ALK: variants seen among roughly 807,000 people sequenced by gnomAD.
ALK encodes the protein ALK receptor tyrosine kinase, also known as ALK tyrosine kinase receptor.
ALK carries 74 observed loss-of-function variants against 163.1 expected under a neutral mutation model. The observed-to-expected ratio is 0.45, with a 90% CI of 0.38 to 0.55. The LOEUF is 0.55. Among genes scored for constraint, ALK ranks in the 20% least tolerant of loss-of-function variants. ALK has a pLI of 0.00. For missense variants in ALK, 2,063 were observed against 2,105.3 expected (o/e 0.98, Z 0.39); for synonymous variants, 960 against 843.2 (o/e 1.14, Z -2.40).
chr2:29,480,076 A>G (rs1671625809), intron 4 of ALK, among the ~76,000 whole-genome samples: 2 of 152,250 alleles, frequency 1.3e-5, no homozygotes, highest in South Asian at 4.1e-4. Context: ...TCAGCACAGA[A>G]AAATCCCCAA....
chr2:29,317,535 A>G lies in ALK; in HGVS notation c.1647+769T>C, dbSNP rs559627179. Among the ~76,000 whole-genome samples, 25 of 152,324 alleles carry G rather than the reference A, an allele frequency of 1.6e-4. No individual in the cohort carries two copies. The South Asian group carries it at 5.0e-3, about 30-fold the overall frequency. On this transcript the variant is annotated intron_variant, in intron 8 of 28. Transcript: ENST00000389048. ...TACTGCAGTGCTTACTTTGTGCCCA[A>G]TGCTCTTCCAAGCCCTTTGGACATT...
In ALK at chr2:29,328,350, G is replaced by C. The variant is rs749263944; in HGVS notation, c.1414C>G (p.Arg472Gly). ...AQGEDESQMC[R>G]KLPVGFYCNF... ...GGGTGGGGCAGCCCCATCTACTCAC[G>C]GCACATCTGGCTCTCATCTTCTCCC... The change falls in exon 6 of 29, where the codon CGG becomes GGG. Residue 472 changes from arginine (R) to glycine (G), a missense_variant and splice_region_variant. Coordinates refer to ENST00000389048, the MANE Select transcript of ALK (RefSeq NM_004304.5). 12 of 1,613,988 alleles carry C rather than the reference G, an allele frequency of 7.4e-6. No individual in the cohort carries two copies. The Admixed American group carries it at 2.0e-4, about 27-fold the overall frequency.
intron 4 of ALK, among the ~76,000 whole-genome samples, chr2:29,500,662 C>A (rs1185103380): frequency 6.6e-6 from 1 of 152,108 alleles, no homozygotes; most frequent in East Asian, 1.9e-4. Flanking sequence ...CCAGGAACTT[C>A]ATGGACATCA....
chr2:29,778,014 G>C (rs574641596), intron 1 of ALK, among the ~76,000 whole-genome samples: 93 of 152,304 alleles, frequency 6.1e-4, no homozygotes, highest in African/African-American at 2.2e-3. Context: ...GTAGCAGGGG[G>C]ACACCTCAGC....
intron 3 of ALK, among the ~76,000 whole-genome samples, chr2:29,569,342 T>C (rs1296515275): frequency 6.6e-6 from 1 of 152,128 alleles, no homozygotes; most frequent in Non-Finnish European, 1.5e-5. Flanking sequence ...TAGTGAGCCC[T>C]TCCAGTGACA....
intron 24 of ALK, among the ~76,000 whole-genome samples, chr2:29,212,827 T>C (rs962757958): frequency 6.6e-6 from 1 of 152,126 alleles, no homozygotes; most frequent in Non-Finnish European, 1.5e-5. Flanking sequence ...CTGCCTCACC[T>C]CCCGAGTAGC....
At chr2:29,384,352 A>G (rs185344038) in intron 4 of ALK, among the ~76,000 whole-genome samples, 3 of 152,338 alleles carry the variant, frequency 2.0e-5, no homozygotes, top group Non-Finnish European at 4.4e-5. Context: ...GGAAGCTAGT[A>G]AGAACTATTT....
At chr2:29,829,183 G>A (rs1414452875) in intron 1 of ALK, among the ~76,000 whole-genome samples, 1 of 93,086 alleles carries the variant, frequency 1.1e-5, no homozygotes, top group Non-Finnish European at 2.0e-5. Flanking sequence ...GGGGAGGGGG[G>A]AGGGATAGCA....
intron 1 of ALK, among the ~76,000 whole-genome samples, chr2:29,896,191 G>C (rs1667264410): frequency 6.6e-6 from 1 of 152,150 alleles, no homozygotes; most frequent in African/African-American, 2.4e-5. Flanking sequence ...GGCTGCAGAG[G>C]AAATGGGTCT....
chr2:29,567,775 C>T (rs1674237044), intron 3 of ALK, among the ~76,000 whole-genome samples: 1 of 152,164 alleles, frequency 6.6e-6, no homozygotes, highest in South Asian at 2.1e-4. Flanking sequence ...AACTCCCTTT[C>T]TAGTCTAAAT....
intron 8 of ALK, among the ~76,000 whole-genome samples, chr2:29,316,323 G>A (rs531633139): frequency 3.9e-5 from 6 of 152,266 alleles, no homozygotes; most frequent in African/African-American, 1.4e-4. Flanking sequence ...AATAATGTGA[G>A]TGTGGAATGG....
At chr2:29,917,980 C>G (rs1351482952) in intron 1 of ALK, among the ~76,000 whole-genome samples, 1 of 152,212 alleles carries the variant, frequency 6.6e-6, no homozygotes, top group African/African-American at 2.4e-5. Context: ...GCTTGGGATG[C>G]CCACAATGCT....
chr2:29,525,373 A>C (rs762930251), intron 4 of ALK, among the ~76,000 whole-genome samples: 77 of 152,206 alleles, frequency 5.1e-4, no homozygotes, highest in Non-Finnish European at 9.3e-4. Context: ...TGATCAACCA[A>C]TTCAAGCTGA....
At chr2:29,206,886 T>C (rs1200567982) in intron 26 of ALK, among the ~76,000 whole-genome samples, 1 of 152,038 alleles carries the variant, frequency 6.6e-6, no homozygotes, top group Admixed American at 6.6e-5. Context: ...CAGCCAGCAA[T>C]GGCAGCATCA....
intron 3 of ALK, among the ~76,000 whole-genome samples, chr2:29,693,524 CA>C (rs896108884): frequency 6.6e-6 from 1 of 152,002 alleles, no homozygotes; most frequent in African/African-American, 2.4e-5. Context: ...CATCCCAAAA[CA>C]GTTATAAAAA....
intron 1 of ALK, among the ~76,000 whole-genome samples, chr2:29,729,764 G>C (rs572836742): frequency 1.3e-5 from 2 of 152,128 alleles, no homozygotes; most frequent in Non-Finnish European, 2.9e-5. Context: ...CACATCTTGA[G>C]TGCATCTTTC....
chr2:29,747,835 T>C (rs1680246650), intron 1 of ALK, among the ~76,000 whole-genome samples: 1 of 152,208 alleles, frequency 6.6e-6, no homozygotes, highest in African/African-American at 2.4e-5. Flanking sequence ...GAGCCTGTCA[T>C]GGCACACATT....
At chr2:29,626,256 T>G (rs1327398964) in intron 3 of ALK, among the ~76,000 whole-genome samples, 2 of 152,136 alleles carry the variant, frequency 1.3e-5, no homozygotes, top group East Asian at 3.9e-4. Flanking sequence ...CCAAATGTCA[T>G]CTTGCATTGT....
chr2:29,309,087 A>G (rs1458299236), intron 8 of ALK, among the ~76,000 whole-genome samples: 3 of 152,146 alleles, frequency 2.0e-5, no homozygotes. Flanking sequence ...TAGCTTTGTA[A>G]TCTGACTGCT....
Sources: allele counts gnomAD v4.1 joint callset (sites outside exome capture counted in the v4.1 genomes callset), GRCh38; gene constraint gnomAD v4.1.1; transcripts MANE v1.5; gene names NCBI Gene and HGNC (gene_info 2026-07-23, HGNC 2026-07-21).